The following ADGRL2 variants were observed in gnomAD, a reference collection of about 807,000 sequenced individuals.
ADGRL2 encodes the protein calcium-independent alpha-latrotoxin receptor 2.
In ADGRL2, 44 loss-of-function variants were observed where a neutral mutation model predicts 157.4. That is an observed-to-expected ratio of 0.28 (90% CI 0.22 to 0.36). The LOEUF (loss-of-function observed/expected upper bound fraction) is 0.36. ADGRL2 is among the 10% of genes least tolerant of loss of function. ADGRL2 has a pLI of 1.00. For missense variants in ADGRL2, 1,510 were observed against 1,768.9 expected, an observed-to-expected ratio of 0.85 and a Z score of 2.63; for synonymous variants, 585 against 624.7, an observed-to-expected ratio of 0.94 and a Z score of 0.95.
At chr1:81,528,279 C>A (rs1425581480) in intron 2 of ADGRL2, among the ~76,000 whole-genome samples, 1 of 152,144 alleles carries the variant, frequency 6.6e-6, no homozygotes, top group African/African-American at 2.4e-5. Flanking sequence ...AAGCAAGATA[C>A]AACTGGTGCC....
At chr1:81,662,117 C>T (rs2082663803) in intron 3 of ADGRL2, among the ~76,000 whole-genome samples, 1 of 151,966 alleles carries the variant, frequency 6.6e-6, no homozygotes, top group African/African-American at 2.4e-5. Context: ...AATGGGGTAT[C>T]CATCCCCTCA....
chr1:81,582,608 G>T (rs534953096), intron 3 of ADGRL2, among the ~76,000 whole-genome samples: 1 of 151,666 alleles, frequency 6.6e-6, no homozygotes, highest in African/African-American at 2.4e-5. Context: ...AAAAAAAAAA[G>T]AACATCTGTT....
intron 2 of ADGRL2, among the ~76,000 whole-genome samples, chr1:81,848,787 C>T (rs1482691259): frequency 2.6e-5 from 4 of 151,824 alleles, no homozygotes; most frequent in African/African-American, 9.7e-5. Context: ...TTGAAGTTAC[C>T]AGCTATTGCT....
chr1:81,677,974 C>A (rs1198917823), intron 3 of ADGRL2, among the ~76,000 whole-genome samples: 1 of 152,186 alleles, frequency 6.6e-6, no homozygotes, highest in East Asian at 1.9e-4. Context: ...CTCTGAACTT[C>A]TATCTTTGCA....
chr1:81,793,220 G>GTA (rs1304023991), intron 2 of ADGRL2, among the ~76,000 whole-genome samples: 1 of 151,874 alleles, frequency 6.6e-6, no homozygotes, highest in Non-Finnish European at 1.5e-5. Flanking sequence ...AATATATAAT[G>GTA]TATAGCACTC....
upstream of ADGRL2, among the ~76,000 whole-genome samples, chr1:81,694,962 T>A (rs982357808): frequency 2.0e-5 from 3 of 152,200 alleles, no homozygotes; most frequent in Non-Finnish European, 4.4e-5. Context: ...TTTGAATTGA[T>A]TATTTTTATT....
intron 1 of ADGRL2, among the ~76,000 whole-genome samples, chr1:81,417,999 A>C (rs1288102028): frequency 6.6e-6 from 1 of 152,218 alleles, no homozygotes; most frequent in Non-Finnish European, 1.5e-5. Context: ...AAAATAACTC[A>C]TAATGACAGG....
chr1:81,960,712 A>G (rs1655071013), intron 11 of ADGRL2, among the ~76,000 whole-genome samples: 1 of 152,054 alleles, frequency 6.6e-6, no homozygotes, highest in South Asian at 2.1e-4. Flanking sequence ...TGATCAGGTG[A>G]TCCACCTACC....
chr1:81,954,266 A>G (rs774157345), intron 10 of ADGRL2, among the ~76,000 whole-genome samples: 1 of 151,974 alleles, frequency 6.6e-6, no homozygotes, highest in Non-Finnish European at 1.5e-5. Flanking sequence ...TGACTAGGCT[A>G]ATGATCATTT....
At chr1:81,591,091 AC>A (rs1393812419) in intron 3 of ADGRL2, among the ~76,000 whole-genome samples, 2 of 152,130 alleles carry the variant, frequency 1.3e-5, no homozygotes, top group Non-Finnish European at 2.9e-5. Context: ...TATCAGTCTG[AC>A]TTCCATGAGG....
chr1:81,771,539 C>G (rs1201059254), intron 2 of ADGRL2, among the ~76,000 whole-genome samples: 1 of 152,020 alleles, frequency 6.6e-6, no homozygotes, highest in Non-Finnish European at 1.5e-5. Flanking sequence ...CAATGTATAA[C>G]TAAAGAGGAA....
rs982700264 is a variant in ADGRL2 at position 81,714,442 on chromosome 1, C to T, written c.-143+14634C>T. Among the ~76,000 whole-genome samples the T allele has an allele frequency of 7.2e-5, 11 of 152,262 alleles. No individual in the cohort carries two copies. The East Asian group carries it at 1.9e-3, about 27-fold the overall frequency. Reference sequence around the variant, plus strand: ...ATTTTAAAATACTGACTAATCATTTCACCTCAAGCAATCTTTTATAGTATG... The same window carrying T: ...ATTTTAAAATACTGACTAATCATTTTACCTCAAGCAATCTTTTATAGTATG... On this transcript the variant is annotated intron_variant, in intron 1 of 20. Transcript: ENST00000359929.
intron 1 of ADGRL2, among the ~76,000 whole-genome samples, chr1:81,743,300 G>A (rs2085131672): frequency 6.6e-6 from 1 of 151,802 alleles, no homozygotes; most frequent in South Asian, 2.1e-4. Context: ...GAAAACGGCA[G>A]GTCAGCAGCA....
chr1:81,880,952 A>G (rs1255766902), intron 2 of ADGRL2, among the ~76,000 whole-genome samples: 1 of 152,064 alleles, frequency 6.6e-6, no homozygotes, highest in Non-Finnish European at 1.5e-5. Flanking sequence ...TGTCTTAAAC[A>G]TTGTGGTGTT....
At chr1:81,896,070 T>A (rs1557864855) in intron 2 of ADGRL2, among the ~76,000 whole-genome samples, 1 of 152,154 alleles carries the variant, frequency 6.6e-6, no homozygotes, top group African/African-American at 2.4e-5. Flanking sequence ...AACAAAAGGA[T>A]AGTAAAAATT....
At chr1:81,533,085 A>T (rs1557435113) in intron 2 of ADGRL2, among the ~76,000 whole-genome samples, 1 of 152,272 alleles carries the variant, frequency 6.6e-6, no homozygotes, top group East Asian at 1.9e-4. Context: ...CATATTTTAA[A>T]TAAAAATGGG....
At chr1:81,752,545 T>C (rs1220366884) in intron 1 of ADGRL2, among the ~76,000 whole-genome samples, 1 of 152,210 alleles carries the variant, frequency 6.6e-6, no homozygotes, top group African/African-American at 2.4e-5. Flanking sequence ...GTTTCTTTCC[T>C]CCTTTTTTTG....
chr1:81,309,906 C>G (rs2100540700), intron 1 of ADGRL2, among the ~76,000 whole-genome samples: 2 of 152,260 alleles, frequency 1.3e-5, no homozygotes, highest in Middle Eastern at 3.4e-3. Context: ...GAGGCTTTAT[C>G]TAACTACCTT....
At chr1:81,770,936 T>A (rs750740901) in intron 2 of ADGRL2, among the ~76,000 whole-genome samples, 1 of 152,272 alleles carries the variant, frequency 6.6e-6, no homozygotes, top group East Asian at 1.9e-4. Context: ...ATATTTTTAT[T>A]TCTATTTGGG....
Sources: allele counts gnomAD v4.1 joint callset (sites outside exome capture counted in the v4.1 genomes callset), GRCh38; gene constraint gnomAD v4.1.1; transcripts MANE v1.5; gene names NCBI Gene and HGNC (gene_info 2026-07-23, HGNC 2026-07-21).